Variants in NRG1 observed in about 807,000 individuals in gnomAD.
NRG1 encodes the protein neuregulin 1, also known as pro-neuregulin-1, membrane-bound isoform.
NRG1 carries 18 observed loss-of-function variants against 63.8 expected under a neutral mutation model. The ratio of observed to expected loss-of-function variants is 0.28; its 90% CI spans 0.19 to 0.42. The LOEUF is 0.42. Among genes scored for constraint, NRG1 ranks in the 10% least tolerant of loss-of-function variants. NRG1 has a pLI of 1.00. For missense variants in NRG1, 762 were observed against 814.7 expected (o/e 0.94, Z 0.79); for synonymous variants, 302 against 301.3 (o/e 1.00, Z -0.02).
chr8:32,678,106 C>A (rs779616801), intron 5 of NRG1, among the ~76,000 whole-genome samples: 29 of 152,144 alleles, frequency 1.9e-4, no homozygotes, highest in Non-Finnish European at 2.8e-4. Flanking sequence ...GTGAATCATG[C>A]ATATTAACTC....
At chr8:32,170,057 GC>G (rs1449272055) in intron 1 of NRG1, among the ~76,000 whole-genome samples, 3 of 152,164 alleles carry the variant, frequency 2.0e-5, no homozygotes, top group Admixed American at 6.5e-5. Flanking sequence ...GCCAAGGAAT[GC>G]CTGAGGTTAC....
At chr8:32,085,343 C>A (rs1357681040) in intron 1 of NRG1, among the ~76,000 whole-genome samples, 1 of 152,188 alleles carries the variant, frequency 6.6e-6, no homozygotes, top group Non-Finnish European at 1.5e-5. Flanking sequence ...CCCCAGGCAA[C>A]CACCATTCAT....
chr8:32,711,216 A>G (rs1371081108), intron 5 of NRG1, among the ~76,000 whole-genome samples: 3 of 148,066 alleles, frequency 2.0e-5, no homozygotes, highest in East Asian at 1.9e-4. Flanking sequence ...AACTTTTTTC[A>G]GCCTCAGTTT....
intron 1 of NRG1, among the ~76,000 whole-genome samples, chr8:32,090,368 T>G (rs533895870): frequency 1.3e-5 from 2 of 152,332 alleles, no homozygotes; most frequent in African/African-American, 4.8e-5. Flanking sequence ...GAGTCCGGGT[T>G]GAAGTGCAGT....
chr8:32,482,026 A>G (rs1317529905), intron 1 of NRG1, among the ~76,000 whole-genome samples: 1 of 152,196 alleles, frequency 6.6e-6, no homozygotes, highest in Non-Finnish European at 1.5e-5. Context: ...TTCTATAGAC[A>G]ATTTCCATCT....
At chr8:32,386,338 G>A (rs541858316) in intron 1 of NRG1, among the ~76,000 whole-genome samples, 66 of 152,302 alleles carry the variant, frequency 4.3e-4, no homozygotes, top group Admixed American at 4.6e-4. Flanking sequence ...TAAATCAGTG[G>A]ACAGAGCTAA....
chr8:31,933,072 G>A (rs1834995912), intron 1 of NRG1, among the ~76,000 whole-genome samples: 2 of 152,164 alleles, frequency 1.3e-5, no homozygotes, highest in South Asian at 4.2e-4. Flanking sequence ...TTTAAATTTA[G>A]ATTTTAGCTA....
At chr8:31,875,434 A>G (rs938420684) in intron 1 of NRG1, among the ~76,000 whole-genome samples, 1 of 152,224 alleles carries the variant, frequency 6.6e-6, no homozygotes, top group African/African-American at 2.4e-5. Flanking sequence ...GATCACGAAC[A>G]GCACTGTAAG....
intron 1 of NRG1, among the ~76,000 whole-genome samples, chr8:32,177,477 A>G (rs1373910863): frequency 6.6e-6 from 1 of 152,042 alleles, no homozygotes; most frequent in East Asian, 1.9e-4. Flanking sequence ...TTAAATTATA[A>G]TAAAAAAATT....
chr8:31,646,995 A>G (rs1472321863), intron 1 of NRG1, among the ~76,000 whole-genome samples: 1 of 151,870 alleles, frequency 6.6e-6, no homozygotes, highest in African/African-American at 2.4e-5. Flanking sequence ...GCCCAGCAGG[A>G]AAAAAAAATT....
chr8:32,412,896 T>C (rs188707572), intron 1 of NRG1, among the ~76,000 whole-genome samples: 1 of 152,288 alleles, frequency 6.6e-6, no homozygotes, highest in Non-Finnish European at 1.5e-5. Context: ...CACTTAATCC[T>C]CACAAAAACC....
At chr8:32,714,525 G>A (rs1818668988) in intron 5 of NRG1, among the ~76,000 whole-genome samples, 1 of 152,108 alleles carries the variant, frequency 6.6e-6, no homozygotes, top group Non-Finnish European at 1.5e-5. Flanking sequence ...ACACAAATGG[G>A]GGAAAAAATA....
intron 1 of NRG1, among the ~76,000 whole-genome samples, chr8:31,972,058 CA>C (rs1470890223): frequency 6.6e-6 from 1 of 152,176 alleles, no homozygotes; most frequent in Non-Finnish European, 1.5e-5. Context: ...CATGCTCAGA[CA>C]ATGAGGGTGG....
At chr8:31,777,449 G>A (rs1174806045) in intron 1 of NRG1, among the ~76,000 whole-genome samples, 1 of 152,236 alleles carries the variant, frequency 6.6e-6, no homozygotes, top group Non-Finnish European at 1.5e-5. Context: ...GTGGGGCAGA[G>A]CCCCAGGCTC....
At chr8:32,315,985 G>T (rs1432532414) in intron 1 of NRG1, among the ~76,000 whole-genome samples, 1 of 144,698 alleles carries the variant, frequency 6.9e-6, no homozygotes, top group Non-Finnish European at 1.5e-5. Flanking sequence ...TGCGTATCTT[G>T]TCTTCCCAAC....
At chr8:31,860,492 T>A (rs952527191) in intron 1 of NRG1, among the ~76,000 whole-genome samples, 1 of 152,190 alleles carries the variant, frequency 6.6e-6, no homozygotes, top group African/African-American at 2.4e-5. Context: ...CTATTAGATG[T>A]GCCATTTAAC....
chr8:32,712,365 A>G (rs1364428891), intron 5 of NRG1, among the ~76,000 whole-genome samples: 2 of 152,318 alleles, frequency 1.3e-5, no homozygotes, highest in East Asian at 1.9e-4. Context: ...GTCAGCAGAC[A>G]TATTTGATAC....
intron 1 of NRG1, among the ~76,000 whole-genome samples, chr8:31,773,876 T>A (rs1818866379): frequency 2.0e-5 from 3 of 152,198 alleles, no homozygotes; most frequent in African/African-American, 7.2e-5. Context: ...GTTTTCTACC[T>A]TGTATCATAG....
intron 1 of NRG1, among the ~76,000 whole-genome samples, chr8:31,769,112 T>C (rs1818365227): frequency 6.6e-6 from 1 of 152,250 alleles, no homozygotes; most frequent in African/African-American, 2.4e-5. Flanking sequence ...TTTTGTGTCA[T>C]CTATTCCCCC....
Sources: gnomAD v4.1 joint callset for allele counts (sites outside exome capture counted in the v4.1 genomes callset) on GRCh38, gnomAD v4.1.1 for gene constraint, MANE v1.5 for transcripts, NCBI Gene and HGNC (gene_info 2026-07-23, HGNC 2026-07-21) for gene names.